Variants in EFL1 observed in about 807,000 individuals in gnomAD.
EFL1 encodes the protein elongation factor-like GTPase 1.
In EFL1, 76 loss-of-function variants were observed where a neutral mutation model predicts 126.7. The ratio of observed to expected loss-of-function variants is 0.60; its 90% confidence interval spans 0.50 to 0.73. EFL1 has a LOEUF of 0.73. EFL1 is among the 30% of genes least tolerant of loss of function. EFL1 has a pLI of 0.00. For synonymous variants in EFL1, 410 were observed against 448.4 expected (o/e 0.91, Z 1.08); for missense variants, 1,128 against 1,343.2 (o/e 0.84, Z 2.50).
chr15:82,189,987 C>A (rs144750180), intron 15 of EFL1, among the ~76,000 whole-genome samples: 1 of 151,652 alleles, frequency 6.6e-6, no homozygotes, highest in African/African-American at 2.4e-5. Flanking sequence ...GGGGATGGTG[C>A]GTGCCTGTAG....
intron 17 of EFL1, among the ~76,000 whole-genome samples, chr15:82,155,408 A>G (rs1330914342): frequency 6.6e-6 from 1 of 152,196 alleles, no homozygotes; most frequent in African/African-American, 2.4e-5. Flanking sequence ...AGGCCGAGGC[A>G]GGAGAATTGC....
intron 8 of EFL1, among the ~76,000 whole-genome samples, chr15:82,229,952 T>G (rs943113401): frequency 2.0e-5 from 3 of 152,202 alleles, no homozygotes; most frequent in African/African-American, 7.2e-5. Flanking sequence ...ATAAAAGTCA[T>G]AGAGCCAATA....
At chr15:82,187,816 C>CT (rs1234697630) in intron 15 of EFL1, among the ~76,000 whole-genome samples, 1 of 151,938 alleles carries the variant, frequency 6.6e-6, no homozygotes, top group Non-Finnish European at 1.5e-5. Context: ...ATATTTTACT[C>CT]TTTTTTACCT....
At chr15:82,200,048 G>A (rs1368921177) in intron 15 of EFL1, among the ~76,000 whole-genome samples, 4 of 152,172 alleles carry the variant, frequency 2.6e-5, no homozygotes, top group South Asian at 2.1e-4. Flanking sequence ...TATGGGAAAC[G>A]TGGTAGTGAA....
At chr15:82,197,240 G>A (rs139315931) in intron 15 of EFL1, among the ~76,000 whole-genome samples, 315 of 152,220 alleles carry the variant, frequency 2.1e-3, no homozygotes, top group African/African-American at 7.3e-3. Flanking sequence ...TAAAAAAAAT[G>A]TTCCTCTTTC....
chr15:82,216,794 CA>C (rs2074651937), intron 14 of EFL1, among the ~76,000 whole-genome samples: 1 of 151,920 alleles, frequency 6.6e-6, no homozygotes, highest in African/African-American at 2.4e-5. Context: ...TCTTAGGATA[CA>C]AAAAGCAAAA....
At position 82,206,152 on chromosome 15, in the gene EFL1, G is replaced by A. The variant is rs574968850; in HGVS notation, c.1750+8565C>T. On this transcript the variant is annotated intron_variant, in intron 15 of 19. Transcript: ENST00000268206. ...AGAGAATATAGCATATCAAATAAAAGAAATTCATTCCAAATTATACTAAGA... is the reference window on the plus strand; with the variant it reads ...AGAGAATATAGCATATCAAATAAAAAAAATTCATTCCAAATTATACTAAGA... 5.9e-5 allele frequency among the ~76,000 whole-genome samples: 9 copies of A among 152,128 alleles called. No homozygotes were observed. The East Asian group carries it at 1.5e-3, about 26-fold the overall frequency.
At chr15:82,130,801 C>T (rs1378747924) in intron 19 of EFL1, among the ~76,000 whole-genome samples, 3 of 152,054 alleles carry the variant, frequency 2.0e-5, no homozygotes, top group East Asian at 3.9e-4. Flanking sequence ...AGTTCGAGAC[C>T]GGCCTGGACA....
At chr15:82,163,488 A>G (rs1234204772) in intron 16 of EFL1, among the ~76,000 whole-genome samples, 2 of 152,178 alleles carry the variant, frequency 1.3e-5, no homozygotes, top group Non-Finnish European at 2.9e-5. Flanking sequence ...TTGAGTCAAG[A>G]TCACACCAGT....
chr15:82,148,913 G>GT (rs558468360), intron 18 of EFL1, among the ~76,000 whole-genome samples: 214 of 152,074 alleles, frequency 1.4e-3, no homozygotes, highest in African/African-American at 5.0e-3. Flanking sequence ...GTTTATACAA[G>GT]TATGAGGTAA....
chr15:82,214,552 T>C (rs1341244050), intron 15 of EFL1, among the ~76,000 whole-genome samples, 165 bp downstream of exon 15: 1 of 152,116 alleles, frequency 6.6e-6, no homozygotes, highest in African/African-American at 2.4e-5. Context: ...AAGAAACTGA[T>C]CTCCATGTGA....
chr15:82,190,855 G>A (rs1032955536), intron 15 of EFL1, among the ~76,000 whole-genome samples: 43 of 152,014 alleles, frequency 2.8e-4, no homozygotes, highest in African/African-American at 8.7e-4. Context: ...AGATACATAC[G>A]TATGTATGCA....
At chr15:82,259,493 ATACT>A (rs1442727109) in intron 2 of EFL1, among the ~76,000 whole-genome samples, 1 of 152,242 alleles carries the variant, frequency 6.6e-6, no homozygotes, top group Non-Finnish European at 1.5e-5. Context: ...TCTTAAGAAA[ATACT>A]TACTTATCAA....
At chr15:82,233,860 G>C (rs1349040482) in intron 7 of EFL1, 1 of 152,126 alleles carries the variant, frequency 6.6e-6, no homozygotes, top group Non-Finnish European at 1.5e-5. Context: ...ACATGCAGCT[G>C]TCAACTTGGC....
intron 15 of EFL1, among the ~76,000 whole-genome samples, chr15:82,167,833 A>G (rs2074095238): frequency 6.6e-6 from 1 of 152,208 alleles, no homozygotes; most frequent in Non-Finnish European, 1.5e-5. Context: ...AATTTGTGGG[A>G]AAAAACGTTA....
Position 82,259,173 on chromosome 15 carries a change from T to A in EFL1, c.92-18A>T, listed in dbSNP as rs764605855. ...AGTTTTTCCTGTTAAAATAGCAACA[T>A]CAATTCAAATCTATATCTTTTTTAA... On this transcript the variant is annotated intron_variant, in intron 2 of 19. Coordinates refer to ENST00000268206, the MANE Select transcript of EFL1 (RefSeq NM_024580.6). 6.2e-7 allele frequency: 1 copy of A among 1,603,932 alleles called. No individual in the cohort carries two copies. Among genetic ancestry groups the A allele is most frequent in the South Asian group, 1.1e-5 (1 of 90,860 alleles).
At chr15:82,220,339 C>T in intron 12 of EFL1, 110 bp from the exon 13 acceptor site, 13 of 1,370,548 alleles carry the variant, frequency 9.5e-6, no homozygotes, top group Non-Finnish European at 1.3e-5. Context: ...CCATTCCAGG[C>T]AATTTTGTCC....
chr15:82,235,572 T>C (rs1329633562), intron 7 of EFL1, among the ~76,000 whole-genome samples: 1 of 152,144 alleles, frequency 6.6e-6, no homozygotes, highest in Admixed American at 6.5e-5. Flanking sequence ...TAATATACCA[T>C]ATTAACAAGC....
chr15:82,205,557 C>T (rs1047494325), intron 15 of EFL1, among the ~76,000 whole-genome samples: 4 of 152,106 alleles, frequency 2.6e-5, no homozygotes, highest in African/African-American at 9.7e-5. Flanking sequence ...CACACACACA[C>T]ACAAACACAC....
Sources: gnomAD v4.1 joint callset for allele counts (sites outside exome capture counted in the v4.1 genomes callset) on GRCh38, gnomAD v4.1.1 for gene constraint, MANE v1.5 for transcripts, NCBI Gene and HGNC (gene_info 2026-07-23, HGNC 2026-07-21) for gene names.